The following LIMA1 variants were observed in gnomAD, a reference collection of about 807,000 sequenced individuals.
LIMA1 encodes the protein LIM domain and actin-binding protein 1.
Under a neutral mutation model 62.6 loss-of-function variants are expected in LIMA1, and 52 were observed. The ratio of observed to expected loss-of-function variants is 0.83; its 90% CI spans 0.67 to 1.05. The LOEUF is 1.05. Ranked by LOEUF, LIMA1 falls within the 50% of genes least tolerant of loss-of-function variation. The probability of loss-of-function intolerance (pLI) is 0.00; values close to 1 mark genes in which losing one functional copy is unlikely to be tolerated. For missense variants in LIMA1, 780 were observed against 902.2 expected (o/e 0.86, Z 1.74); for synonymous variants, 302 against 317.8 (o/e 0.95, Z 0.53).
chr12:50,269,918 CAAATAAAAAAAA>C (rs1942184592), intron 1 of LIMA1, among the ~76,000 whole-genome samples: 1 of 88,136 alleles, frequency 1.1e-5, no homozygotes, highest in Non-Finnish European at 2.3e-5. Flanking sequence ...AAAACTCCGT[CAAATAAAAAAAA>C]AAAAAAAAAA....
chr12:50,224,895 CATTTT>C (rs1941503079), intron 3 of LIMA1, among the ~76,000 whole-genome samples: 1 of 142,704 alleles, frequency 7.0e-6, no homozygotes, highest in African/African-American at 2.7e-5. Context: ...GCATGCCTGG[CATTTT>C]TTTTTTTTTT....
chr12:50,207,227 C>A (rs1007270162), intron 4 of LIMA1, among the ~76,000 whole-genome samples: 4 of 152,052 alleles, frequency 2.6e-5, no homozygotes, highest in Non-Finnish European at 4.4e-5. Context: ...GCCTGGCCAA[C>A]AAAGATTTTT....
rs924222634 is a variant in LIMA1 at position 50,231,520 on chromosome 12, G to C, written c.165+145C>G. The C allele has an allele frequency of 9.0e-6, 7 of 776,814 alleles. No individual in the cohort carries two copies. The South Asian group carries it at 1.0e-4, about 11-fold the overall frequency. The allele number at this position is 776,814 out of a possible 1,614,324, so 48.1% of individuals were successfully genotyped here. On this transcript the variant is annotated intron_variant, in intron 3 of 10. Transcript: ENST00000341247. ...TCCCTGCACTAAGCCAAGTTGTCCTGAGCAAATGGCTCAGAGATCACACCA... is the reference window on the plus strand; with the variant it reads ...TCCCTGCACTAAGCCAAGTTGTCCTCAGCAAATGGCTCAGAGATCACACCA...
chr12:50,182,701 C>G (rs1180224775), intron 9 of LIMA1, among the ~76,000 whole-genome samples: 1 of 152,076 alleles, frequency 6.6e-6, no homozygotes, highest in African/African-American at 2.4e-5. Flanking sequence ...TTTCTAAAAA[C>G]CAATGGAGAG....
chr12:50,253,684 T>C (rs1336444771), intron 1 of LIMA1, among the ~76,000 whole-genome samples: 1 of 152,164 alleles, frequency 6.6e-6, no homozygotes, highest in Non-Finnish European at 1.5e-5. Flanking sequence ...TGGGCTCACT[T>C]GGAATACCCT....
At chr12:50,205,723 G>GA (rs747349760) in intron 5 of LIMA1, among the ~76,000 whole-genome samples, 8 of 129,778 alleles carry the variant, frequency 6.2e-5, no homozygotes, top group Non-Finnish European at 1.2e-4. Context: ...TTAAAAATAT[G>GA]AAAAAAGCAG....
chr12:50,175,998 T>C lies in LIMA1; in HGVS notation c.*1066A>G, dbSNP rs1311926743. 1 of 152,240 alleles carries C rather than the reference T, an allele frequency of 6.6e-6. No individual in the cohort carries two copies. Among genetic ancestry groups the C allele is most frequent in the Non-Finnish European group, 1.5e-5 (1 of 68,044 alleles). 9.4% of individuals were successfully genotyped at this position (152,240 alleles called of 1,614,324 possible). On this transcript the variant is annotated 3_prime_UTR_variant, in exon 11 of 11. Transcript: ENST00000341247. The stretch of plus-strand genomic sequence containing the variant: ...ACAACAAATGTACTCAAGTTTATAA[T>C]GTCCCCAAACCTTAAGACTAGAAAA...
At chr12:50,223,762 G>A (rs574311522) in intron 3 of LIMA1, among the ~76,000 whole-genome samples, 13 of 152,296 alleles carry the variant, frequency 8.5e-5, no homozygotes, top group African/African-American at 2.9e-4. Flanking sequence ...TCCCGGCTGG[G>A]CGCAGTGGCT....
chr12:50,218,987 T>G (rs1290782044), intron 4 of LIMA1, among the ~76,000 whole-genome samples: 2 of 152,138 alleles, frequency 1.3e-5, no homozygotes, highest in African/African-American at 4.8e-5. Context: ...AAACTGGTCT[T>G]CTCTATAAAG....
rs71441354 is a variant in LIMA1, at chr12:50,280,144, A to ATTTTTTTTTTTTTTTT, written c.-24+3260_-24+3275dup. 1.2e-4 allele frequency among the ~76,000 whole-genome samples: 8 copies of ATTTTTTTTTTTTTTTT among 68,310 alleles called. 2 individuals are homozygous for ATTTTTTTTTTTTTTTT. The highest frequency in any genetic ancestry group is 4.8e-4 in the African/African-American group (8 of 16,604). 44.8% of individuals were successfully genotyped at this position (68,310 alleles called of 152,430 possible). ...AAGTTCTTAGTTTCAGGGTAGTAGT[A>ATTTTTTTTTTTTTTTT]TTTTTTTTTTTTTTTTTTTTTTTTT... On this transcript the variant is annotated intron_variant, in intron 1 of 10. Coordinates refer to ENST00000341247, the MANE Select transcript of LIMA1 (RefSeq NM_016357.5).
intron 3 of LIMA1, among the ~76,000 whole-genome samples, chr12:50,226,993 C>T (rs2138573397): frequency 6.7e-6 from 1 of 149,744 alleles, no homozygotes; most frequent in South Asian, 2.1e-4. Flanking sequence ...CTTAGGTCCT[C>T]TGCTTTGCTT....
intron 1 of LIMA1, among the ~76,000 whole-genome samples, chr12:50,273,166 G>T (rs1425014863): frequency 6.6e-6 from 1 of 151,888 alleles, no homozygotes; most frequent in African/African-American, 2.4e-5. Flanking sequence ...TGTTAGCCAG[G>T]CTGGTCTCGA....
chr12:50,182,771 C>T (rs1031136412), intron 9 of LIMA1, among the ~76,000 whole-genome samples: 1 of 152,198 alleles, frequency 6.6e-6, no homozygotes, highest in African/African-American at 2.4e-5. Flanking sequence ...AATTCATGAA[C>T]TGTTTGTAAA....
chr12:50,232,578 A>C (rs901886957), intron 2 of LIMA1, among the ~76,000 whole-genome samples: 15 of 151,954 alleles, frequency 9.9e-5, no homozygotes, highest in Non-Finnish European at 2.1e-4. Context: ...CATGTTGACC[A>C]GGCCAGTCTC....
At chr12:50,217,815 G>T in intron 4 of LIMA1, 1 of 293,284 alleles carries the variant, frequency 3.4e-6, no homozygotes, top group Admixed American at 3.5e-5. Flanking sequence ...AGCCTGGGAA[G>T]TACACAGGCA....
chr12:50,178,118 C>T (rs1346065443), intron 10 of LIMA1, 49 bp from the exon 11 acceptor site: 10 of 1,352,426 alleles, frequency 7.4e-6, no homozygotes, highest in Non-Finnish European at 9.7e-6. Flanking sequence ...TTCACATTCT[C>T]ACTTATACCA....
chr12:50,237,101 C>A (rs1760461855), intron 2 of LIMA1, among the ~76,000 whole-genome samples: 2 of 152,096 alleles, frequency 1.3e-5, no homozygotes. Flanking sequence ...TTTACCAATT[C>A]TTTCTGCTCC....
chr12:50,242,797 A>G lies in LIMA1; in HGVS notation c.119+5836T>C, dbSNP rs534063331. Among the ~76,000 whole-genome samples the G allele has an allele frequency of 7.9e-4, 121 of 152,258 alleles. 1 individual carries two copies. The highest frequency in any genetic ancestry group is 2.8e-3 in the African/African-American group (117 of 41,552). Reference sequence around the variant, plus strand: ...AGGATTGCTGGAATGGAAAATCTAAAGAGCTGGGCCTGGGATCTGGGACTG... The same window carrying G: ...AGGATTGCTGGAATGGAAAATCTAAGGAGCTGGGCCTGGGATCTGGGACTG... On this transcript the variant is annotated intron_variant, in intron 2 of 10. Coordinates refer to ENST00000341247, the MANE Select transcript of LIMA1 (RefSeq NM_016357.5).
chr12:50,283,305 GA>G (rs1376029619), intron 1 of LIMA1, 114 bp downstream of exon 1: 3 of 152,288 alleles, frequency 2.0e-5, no homozygotes, highest in Non-Finnish European at 4.4e-5. Context: ...TCTCGAGGGG[GA>G]GGGACTCACA....
Sources: allele counts gnomAD v4.1 joint callset (sites outside exome capture counted in the v4.1 genomes callset), GRCh38; gene constraint gnomAD v4.1.1; transcripts MANE v1.5; gene names NCBI Gene and HGNC (gene_info 2026-07-23, HGNC 2026-07-21).